The following MYBPC1 variants were observed in gnomAD, a reference collection of about 807,000 sequenced individuals.
The protein encoded by MYBPC1 is myosin binding protein C1.
A neutral mutation model predicts 147.1 loss-of-function variants in MYBPC1; 52 were observed. The observed-to-expected ratio is 0.35, with a 90% CI of 0.28 to 0.45. The LOEUF (loss-of-function observed/expected upper bound fraction) is 0.45, where lower values mean the gene tolerates loss of function less well. Among genes scored for constraint, MYBPC1 ranks in the 20% least tolerant of loss-of-function variants. The pLI is 1.00. For synonymous variants in MYBPC1, 477 were observed against 475.9 expected, an observed-to-expected ratio of 1.00 and a Z score of -0.03; for missense variants, 1,228 against 1,440.3, an observed-to-expected ratio of 0.85 and a Z score of 2.39.
chr12:101,618,476 T>A (rs1380861868), intron 3 of MYBPC1, among the ~76,000 whole-genome samples: 2 of 152,212 alleles, frequency 1.3e-5, no homozygotes, highest in African/African-American at 4.8e-5. Flanking sequence ...ATTATTGTAA[T>A]ATTATTCTCT....
At chr12:101,673,670 G>C in intron 25 of MYBPC1, 48 bp downstream of exon 25, 1 of 1,598,654 alleles carries the variant, frequency 6.3e-7, no homozygotes, top group Non-Finnish European at 8.6e-7. Context: ...GCAGTACAGG[G>C]ATGAATTGTC....
intron 12 of MYBPC1, among the ~76,000 whole-genome samples, chr12:101,645,765 A>G (rs1227029016): frequency 7.9e-5 from 12 of 152,212 alleles, no homozygotes; most frequent in Non-Finnish European, 1.3e-4. Flanking sequence ...TAATCCCATC[A>G]TGTGCTCCTC....
downstream of MYBPC1, among the ~76,000 whole-genome samples, chr12:101,687,389 C>T (rs1348343804): frequency 2.0e-5 from 3 of 152,164 alleles, no homozygotes; most frequent in Non-Finnish European, 4.4e-5. Flanking sequence ...CATGTCCCTA[C>T]AAATGACATG....
intron 27 of MYBPC1, among the ~76,000 whole-genome samples, chr12:101,677,900 T>C (rs930195953): frequency 3.9e-5 from 6 of 152,272 alleles, no homozygotes; most frequent in African/African-American, 1.4e-4. Context: ...CAGTTTCAGA[T>C]GACCCCTCTG....
downstream of MYBPC1, among the ~76,000 whole-genome samples, chr12:101,690,317 G>C (rs1202127589): frequency 6.6e-6 from 1 of 152,174 alleles, no homozygotes; most frequent in Non-Finnish European, 1.5e-5. Flanking sequence ...CTTGTTCCTT[G>C]CTTAGCTATT....
chr12:101,597,950 T>C (rs12580248), intron 1 of MYBPC1, among the ~76,000 whole-genome samples: 4,609 of 152,114 alleles, frequency 0.03, 253 homozygotes, highest in East Asian at 0.25. Context: ...CAATTATTAA[T>C]TGAGTACAAG....
chr12:101,671,351 A>ACT (rs1565998751), intron 24 of MYBPC1, among the ~76,000 whole-genome samples: 8 of 151,722 alleles, frequency 5.3e-5, no homozygotes, highest in African/African-American at 1.9e-4. Context: ...ACACACACAC[A>ACT]CTCACACATG....
chr12:101,617,333 A>G, intron 3 of MYBPC1, 90 bp downstream of exon 3: 1 of 1,330,000 alleles, frequency 7.5e-7, no homozygotes, highest in South Asian at 1.2e-5. Flanking sequence ...GCTCCATAGA[A>G]TTTCTCTGCA....
At chr12:101,651,036 C>T (rs1196685972) in intron 15 of MYBPC1, 195 bp from the exon 16 acceptor site, 1 of 652,174 alleles carries the variant, frequency 1.5e-6, no homozygotes, top group East Asian at 3.0e-5. Context: ...TCTGCATTCA[C>T]CTAGTTTTTC....
chr12:101,676,298 C>T (rs575029151), intron 26 of MYBPC1, among the ~76,000 whole-genome samples: 9 of 152,006 alleles, frequency 5.9e-5, no homozygotes, highest in Non-Finnish European at 1.3e-4. Context: ...CTAAAGATCA[C>T]CAGATTTTCT....
chr12:101,636,652 T>A lies in MYBPC1; in HGVS notation c.609-20T>A, dbSNP rs1891043332. 1 of 1,612,534 alleles carries A rather than the reference T, an allele frequency of 6.2e-7. No homozygotes were observed. The highest frequency in any genetic ancestry group is 8.5e-7 in the Non-Finnish European group (1 of 1,178,766). ...GTCTCTGCATTAAACCCAGATTTGCTTTTCTTTTGTTAACGACAGTGGAGA... is the reference window on the plus strand; with the variant it reads ...GTCTCTGCATTAAACCCAGATTTGCATTTCTTTTGTTAACGACAGTGGAGA... On this transcript the variant is annotated intron_variant, in intron 9 of 31. Coordinates refer to ENST00000361466, the MANE Select transcript of MYBPC1 (RefSeq NM_002465.4).
chr12:101,618,854 C>CGTGTGTGT lies in MYBPC1; in HGVS notation c.103+1644_103+1651dup, dbSNP rs35811344. On this transcript the variant is annotated intron_variant, in intron 3 of 31. Coordinates refer to ENST00000361466, the MANE Select transcript of MYBPC1 (RefSeq NM_002465.4). The stretch of plus-strand genomic sequence containing the variant: ...TTGCATGCCCAGGTACAAAAACTGC[C>CGTGTGTGT]GTGTGTGTGTGTGTGTGTGTGTGTG... 9.3e-3 allele frequency among the ~76,000 whole-genome samples: 1,275 copies of CGTGTGTGT among 136,874 alleles called. 12 individuals carry two copies. Among genetic ancestry groups the CGTGTGTGT allele is most frequent in the African/African-American group, 0.027 (1,022 of 37,376 alleles). 89.8% of individuals were successfully genotyped at this position (136,874 alleles called of 152,430 possible). A position where few individuals can be genotyped will look rare whatever the true frequency, so the allele number is the denominator to read the frequency against.
the MYBPC1 span, among the ~76,000 whole-genome samples, chr12:101,694,103 A>G: frequency 2.0e-5 from 3 of 152,230 alleles, no homozygotes; most frequent in African/African-American, 4.8e-5. Flanking sequence ...CCAGACATCA[A>G]TGTGGGAAAA....
At chr12:101,602,859 T>C (rs1880644323) in intron 1 of MYBPC1, among the ~76,000 whole-genome samples, 1 of 152,206 alleles carries the variant, frequency 6.6e-6, no homozygotes, top group Non-Finnish European at 1.5e-5. Flanking sequence ...GTTGTGTTCT[T>C]ACTGAAATGA....
intron 15 of MYBPC1, 66 bp downstream of exon 15, chr12:101,649,492 T>G: frequency 6.4e-7 from 1 of 1,563,600 alleles, no homozygotes; most frequent in Non-Finnish European, 8.8e-7. Context: ...TAATTCGGTT[T>G]CAGAAAAGTT....
chr12:101,686,391 G>C (rs1419249380), downstream of MYBPC1, among the ~76,000 whole-genome samples: 1 of 152,166 alleles, frequency 6.6e-6, no homozygotes, highest in Non-Finnish European at 1.5e-5. Flanking sequence ...CAGAGCTTCT[G>C]CCAAAACAGC....
intron 14 of MYBPC1, among the ~76,000 whole-genome samples, chr12:101,648,931 T>G (rs1365123103): frequency 1.3e-5 from 2 of 152,230 alleles, no homozygotes; most frequent in Non-Finnish European, 2.9e-5. Flanking sequence ...CATAGTTATC[T>G]TTAAAATGCA....
chr12:101,627,780 C>A lies in MYBPC1; in HGVS notation c.154C>A (p.Arg52=). Residue 52 remains arginine, a synonymous_variant, in exon 5 of 32, where the codon CGG becomes AGG. Transcript: ENST00000361466. ...CACTTTCCTTTCAGGTTTGGGTAGTCGGGCCCTGGAGAGAAAAGATTCAGG... is the reference window on the plus strand; with the variant it reads ...CACTTTCCTTTCAGGTTTGGGTAGTAGGGCCCTGGAGAGAAAAGATTCAGG... ...PSALPPGLGS[R]ALERKDSDWT... is the part of the protein sequence containing the mutation. 7 of 1,613,808 alleles carry A rather than the reference C, an allele frequency of 4.3e-6. No homozygotes were observed. The highest frequency in any genetic ancestry group is 5.1e-6 in the Non-Finnish European group (6 of 1,179,872).
At chr12:101,599,416 AG>A (rs1324886310) in intron 1 of MYBPC1, among the ~76,000 whole-genome samples, 1 of 152,158 alleles carries the variant, frequency 6.6e-6, no homozygotes, top group Admixed American at 6.6e-5. Context: ...CAAGCCAAAA[AG>A]CTACCTGAAT....
Sources: gnomAD v4.1 joint callset for allele counts (sites outside exome capture counted in the v4.1 genomes callset) on GRCh38, gnomAD v4.1.1 for gene constraint, MANE v1.5 for transcripts, NCBI Gene and HGNC (gene_info 2026-07-23, HGNC 2026-07-21) for gene names.